Variants in DNAH5 observed in about 807,000 individuals in gnomAD.
DNAH5 encodes the protein axonemal beta dynein heavy chain 5.
Under a neutral mutation model 518.2 loss-of-function variants are expected in DNAH5, and 372 were observed. The observed-to-expected ratio is 0.72, with a 90% confidence interval of 0.66 to 0.78. The LOEUF is 0.78. Ranked by LOEUF, DNAH5 falls within the 30% of genes least tolerant of loss-of-function variation. The pLI is 0.00. For missense variants in DNAH5, 5,523 were observed against 5,687.0 expected (o/e 0.97, Z 0.93); for synonymous variants, 2,039 against 2,025.9 (o/e 1.01, Z -0.17).
At chr5:13,832,493 G>C (rs961812523) in intron 35 of DNAH5, among the ~76,000 whole-genome samples, 5 of 152,174 alleles carry the variant, frequency 3.3e-5, no homozygotes, top group African/African-American at 1.2e-4. Flanking sequence ...CTCCCTTCTT[G>C]CCTCCCTTCT....
intron 75 of DNAH5, 140 bp from the exon 76 acceptor site, chr5:13,708,475 A>AG (rs1743083539): frequency 5.2e-6 from 4 of 769,488 alleles, no homozygotes. Flanking sequence ...CATGGCAAAA[A>AG]GAAAAAAAAA....
chr5:13,703,326 A>G (rs1469104464), intron 76 of DNAH5, among the ~76,000 whole-genome samples: 1 of 152,236 alleles, frequency 6.6e-6, no homozygotes, highest in East Asian at 1.9e-4. Flanking sequence ...CAATAATGCT[A>G]GGAATTATAT....
In DNAH5 at chr5:13,817,321, CA is replaced by C. The variant is rs1279349934; in HGVS notation, c.6988+226del. ...TTTATTCTAAAATATCACAGGGATA[CA>C]GACATATTTTTTTAGAAAATATTAT... is the stretch of plus-strand genomic sequence containing the variant. On this transcript the variant is annotated intron_variant, in intron 42 of 78. Coordinates refer to ENST00000265104, the MANE Select transcript of DNAH5 (RefSeq NM_001369.3). Among the ~76,000 whole-genome samples, 4 of 152,238 alleles carry C rather than the reference CA, an allele frequency of 2.6e-5. No homozygotes were observed. The East Asian group carries it at 7.7e-4, about 29-fold the overall frequency.
chr5:13,699,451 C>T (rs927662032), intron 78 of DNAH5, among the ~76,000 whole-genome samples: 22 of 152,148 alleles, frequency 1.4e-4, no homozygotes, highest in Non-Finnish European at 2.5e-4. Flanking sequence ...TGGTGGCTCA[C>T]GCCTATAATC....
intron 56 of DNAH5, among the ~76,000 whole-genome samples, chr5:13,770,102 C>T (rs888417873): frequency 6.6e-6 from 1 of 152,180 alleles, no homozygotes; most frequent in African/African-American, 2.4e-5. Context: ...AATAACGTGA[C>T]CATAGAGATG....
At chr5:13,879,301 T>C (rs976180782) in intron 21 of DNAH5, among the ~76,000 whole-genome samples, 3 of 152,176 alleles carry the variant, frequency 2.0e-5, no homozygotes, top group South Asian at 2.1e-4. Flanking sequence ...ATACAGATGC[T>C]CCTTGACCTA....
In DNAH5 at chr5:13,895,851, A is replaced by G. The variant is rs76279877; in HGVS notation, c.2260-1030T>C. On this transcript the variant is annotated intron_variant, in intron 15 of 78. Coordinates refer to ENST00000265104, the MANE Select transcript of DNAH5 (RefSeq NM_001369.3). ...TTTTCCCAAAACCTCTTCCCAGTGC[A>G]TCCTCCAACTCAGCTGATAGTGACT... Among the ~76,000 whole-genome samples the G allele has an allele frequency of 9.4e-3, 1,430 of 152,210 alleles. 19 individuals carry two copies. Among genetic ancestry groups the G allele is most frequent in the African/African-American group, 0.033 (1,355 of 41,552 alleles).
Position 13,737,454 on chromosome 5 carries a change from A to G in DNAH5, c.11253T>C (p.Thr3751=), listed in dbSNP as rs1486092540. The change falls in exon 66 of 79, where the codon ACT becomes ACC. Residue 3751 remains threonine, a synonymous_variant. Coordinates refer to ENST00000265104, the MANE Select transcript of DNAH5 (RefSeq NM_001369.3). The part of the protein sequence containing the change: ...KERTHLMEDV[T]ANKRRMKELE... ...GTTCCTTCATCCTTCTTTTGTTTGCAGTTACATCTTCCATCAGATGAGTTC... is the reference window on the plus strand; with the variant it reads ...GTTCCTTCATCCTTCTTTTGTTTGCGGTTACATCTTCCATCAGATGAGTTC... The G allele has an allele frequency of 6.2e-7, 1 of 1,613,956 alleles. No homozygotes were observed. The highest frequency in any genetic ancestry group is 2.2e-5 in the East Asian group (1 of 44,892).
intron 47 of DNAH5, among the ~76,000 whole-genome samples, chr5:13,804,518 G>A (rs987108249): frequency 6.6e-6 from 1 of 152,226 alleles, no homozygotes; most frequent in South Asian, 2.1e-4. Context: ...AAATTACAGT[G>A]AGAAAGTTAA....
In DNAH5 at chr5:13,696,448, G is replaced by A. The variant is rs73046198; in HGVS notation, c.13723+4192C>T. ...GCAAGAAACATGATTTCTTTTTCAA[G>A]TTTCAGGGTATATCACTCAATTTTT... is the stretch of plus-strand genomic sequence containing the variant. On this transcript the variant is annotated intron_variant, in intron 78 of 78. Transcript: ENST00000265104. Among the ~76,000 whole-genome samples, 456 of 152,136 alleles carry A rather than the reference G, an allele frequency of 3.0e-3. 4 individuals are homozygous for A. Among genetic ancestry groups the A allele is most frequent in the African/African-American group, 0.011 (442 of 41,514 alleles).
intron 17 of DNAH5, among the ~76,000 whole-genome samples, chr5:13,890,132 C>T (rs1191130630): frequency 1.3e-5 from 2 of 152,128 alleles, no homozygotes; most frequent in African/African-American, 2.4e-5. Flanking sequence ...AAGGGCCGGG[C>T]GCAGTGGCTC....
chr5:13,933,719 A>T (rs897246730), intron 1 of DNAH5, among the ~76,000 whole-genome samples: 6 of 150,462 alleles, frequency 4.0e-5, no homozygotes, highest in African/African-American at 9.8e-5. Flanking sequence ...GAACCCAAAA[A>T]GCAGAGGTTG....
chr5:13,881,164 G>T (rs1012956918), intron 21 of DNAH5, among the ~76,000 whole-genome samples: 2 of 151,952 alleles, frequency 1.3e-5, no homozygotes, highest in African/African-American at 4.8e-5. Flanking sequence ...AATATTAAGA[G>T]ATCTGAAGAG....
At chr5:13,858,498 C>T (rs1289446625) in intron 30 of DNAH5, among the ~76,000 whole-genome samples, 1 of 152,074 alleles carries the variant, frequency 6.6e-6, no homozygotes, top group Non-Finnish European at 1.5e-5. Flanking sequence ...AGCAAACCAC[C>T]ATGGCACCTG....
intron 76 of DNAH5, among the ~76,000 whole-genome samples, chr5:13,705,934 A>G (rs1040973157): frequency 3.9e-5 from 6 of 152,232 alleles, no homozygotes; most frequent in African/African-American, 1.4e-4. Flanking sequence ...ATGCTCTTCT[A>G]GACACTCTGA....
chr5:13,917,190 A>G lies in DNAH5; in HGVS notation c.1042T>C (p.Leu348=). Residue 348 remains leucine, a synonymous_variant, in exon 8 of 79, where the codon TTG becomes CTG. Coordinates refer to ENST00000265104, the MANE Select transcript of DNAH5 (RefSeq NM_001369.3). ...TCACAACATTTTTCAAGTGTATACA[A>G]GTATTTCACATTGTCCTTTGCTTCA... ...TNEAKDNVKY[L]YTLEKCCDPL... 1 of 1,614,072 alleles carries G rather than the reference A, an allele frequency of 6.2e-7. No homozygotes were observed. The highest frequency in any genetic ancestry group is 8.5e-7 in the Non-Finnish European group (1 of 1,179,970).
chr5:13,764,073 T>C (rs1360466142), intron 59 of DNAH5, among the ~76,000 whole-genome samples: 1 of 152,170 alleles, frequency 6.6e-6, no homozygotes, highest in East Asian at 1.9e-4. Context: ...AAAAGAAAGA[T>C]GGTGCTGAAT....
intron 24 of DNAH5, among the ~76,000 whole-genome samples, chr5:13,868,415 A>T (rs116672789): frequency 0.013 from 1,969 of 152,326 alleles, 28 homozygotes; most frequent in African/African-American, 0.034. Context: ...ACTCTGTCTT[A>T]TTTCACGTGA....
chr5:13,785,811 A>C (rs1489758804), intron 52 of DNAH5, among the ~76,000 whole-genome samples: 1 of 152,182 alleles, frequency 6.6e-6, no homozygotes, highest in Non-Finnish European at 1.5e-5. Flanking sequence ...TAATGTCCTC[A>C]AGGCTTATGT....
Sources: gnomAD v4.1 joint callset for allele counts (sites outside exome capture counted in the v4.1 genomes callset) on GRCh38, gnomAD v4.1.1 for gene constraint, MANE v1.5 for transcripts, NCBI Gene and HGNC (gene_info 2026-07-23, HGNC 2026-07-21) for gene names.